SND1: variants seen among roughly 807,000 people sequenced by gnomAD.
The protein encoded by SND1 is staphylococcal nuclease domain-containing protein 1.
A neutral mutation model predicts 121.7 loss-of-function variants in SND1; 38 were observed. The ratio of observed to expected loss-of-function variants is 0.31; its 90% confidence interval spans 0.24 to 0.41. The LOEUF (loss-of-function observed/expected upper bound fraction) is 0.41. Ranked by LOEUF, SND1 falls within the 10% of genes least tolerant of loss-of-function variation. SND1 has a pLI of 1.00. For missense variants in SND1, 868 were observed against 1,184.6 expected, an observed-to-expected ratio of 0.73 and a Z score of 3.92; for synonymous variants, 401 against 447.4, an observed-to-expected ratio of 0.90 and a Z score of 1.31.
chr7:128,056,375 A>G (rs1719785176), intron 16 of SND1, among the ~76,000 whole-genome samples: 1 of 152,246 alleles, frequency 6.6e-6, no homozygotes, highest in African/African-American at 2.4e-5. Flanking sequence ...CATGGACTGC[A>G]TTTGGATCAG....
chr7:128,054,833 A>G (rs529329324), intron 16 of SND1, among the ~76,000 whole-genome samples: 2 of 152,324 alleles, frequency 1.3e-5, no homozygotes, highest in African/African-American at 4.8e-5. Context: ...AGTAGTTTGT[A>G]ATTCTGAGGC....
chr7:127,748,275 A>G (rs750049628), intron 10 of SND1, among the ~76,000 whole-genome samples: 3 of 152,148 alleles, frequency 2.0e-5, no homozygotes, highest in Non-Finnish European at 2.9e-5. Context: ...GTGATACCAT[A>G]GTATGCTTAC....
intron 9 of SND1, among the ~76,000 whole-genome samples, chr7:127,717,206 A>C (rs1796407173): frequency 6.6e-6 from 1 of 152,204 alleles, no homozygotes; most frequent in South Asian, 2.1e-4. Context: ...TGTTATAGTT[A>C]GTATATCAAT....
chr7:128,030,783 G>T, intron 16 of SND1: 1 of 1,077,774 alleles, frequency 9.3e-7, no homozygotes. Context: ...GAGACGGAGC[G>T]GATCGGCCGA....
chr7:128,090,990 C>T (rs1304280246), intron 22 of SND1, among the ~76,000 whole-genome samples: 4 of 152,212 alleles, frequency 2.6e-5, no homozygotes, highest in African/African-American at 4.8e-5. Context: ...ACCTAACATG[C>T]TCATTTATTT....
At chr7:127,867,284 C>T (rs542552042) in intron 12 of SND1, among the ~76,000 whole-genome samples, 1 of 152,158 alleles carries the variant, frequency 6.6e-6, no homozygotes. Context: ...TTGTTTTCTT[C>T]TACCTTTTCA....
rs529054456 is a variant in SND1 at position 127,898,281 on chromosome 7, C to T, written c.1455-6466C>T. Reference sequence around the variant, plus strand: ...CATAATACCTACTGACTCATTAGTCCGCCCACCTCCCCTTGACTGTAGGAC... The same window carrying T: ...CATAATACCTACTGACTCATTAGTCTGCCCACCTCCCCTTGACTGTAGGAC... On this transcript the variant is annotated intron_variant, in intron 13 of 23. Transcript: ENST00000354725. Among the ~76,000 whole-genome samples, 25 of 152,138 alleles carry T rather than the reference C, an allele frequency of 1.6e-4. 1 individual carries two copies. The highest frequency in any genetic ancestry group is 5.3e-4 in the African/African-American group (22 of 41,492).
At chr7:128,005,619 G>C (rs780643673) in intron 16 of SND1, among the ~76,000 whole-genome samples, 6 of 152,240 alleles carry the variant, frequency 3.9e-5, no homozygotes, top group Non-Finnish European at 7.3e-5. Flanking sequence ...CCCAATGCCT[G>C]TTAGGTTGCT....
chr7:127,993,815 T>G (rs1297486149), intron 16 of SND1, among the ~76,000 whole-genome samples: 2 of 152,198 alleles, frequency 1.3e-5, no homozygotes, highest in African/African-American at 4.8e-5. Context: ...GCCCACAGAT[T>G]GTACGATTTC....
chr7:127,922,929 G>A (rs1293461117), intron 14 of SND1, among the ~76,000 whole-genome samples: 2 of 152,220 alleles, frequency 1.3e-5, no homozygotes, highest in Non-Finnish European at 2.9e-5. Context: ...GCAGGCCTGA[G>A]TGAGGTGCTT....
chr7:127,928,934 A>G (rs1800905969), intron 14 of SND1, among the ~76,000 whole-genome samples: 1 of 152,194 alleles, frequency 6.6e-6, no homozygotes, highest in Non-Finnish European at 1.5e-5. Context: ...CTTGCCCCAG[A>G]GAACTCTGGT....
chr7:128,050,007 AC>A (rs1793019470), intron 16 of SND1, among the ~76,000 whole-genome samples: 1 of 152,226 alleles, frequency 6.6e-6, no homozygotes, highest in South Asian at 2.1e-4. Context: ...GACCTCAGTG[AC>A]ATTCTCTGTC....
At chr7:127,762,055 C>G (rs1226942949) in intron 10 of SND1, among the ~76,000 whole-genome samples, 1 of 152,144 alleles carries the variant, frequency 6.6e-6, no homozygotes, top group African/African-American at 2.4e-5. Flanking sequence ...AGAAAGAGAT[C>G]TAGATTTTCT....
intron 16 of SND1, among the ~76,000 whole-genome samples, chr7:128,011,593 A>C (rs1489817047): frequency 1.3e-5 from 2 of 152,184 alleles, no homozygotes; most frequent in African/African-American, 4.8e-5. Flanking sequence ...CCCCAGCTGC[A>C]CATTGGAATC....
chr7:128,010,554 C>G (rs909433594), intron 16 of SND1, among the ~76,000 whole-genome samples: 2 of 152,236 alleles, frequency 1.3e-5, no homozygotes, highest in African/African-American at 4.8e-5. Context: ...TTACCACTCA[C>G]CCCACCCACA....
Position 128,003,396 on chromosome 7 carries a change from C to T in SND1, c.1779+12340C>T, listed in dbSNP as rs569382035. Among the ~76,000 whole-genome samples, 19 of 152,286 alleles carry T rather than the reference C, an allele frequency of 1.2e-4. No individual in the cohort carries two copies. The South Asian group carries it at 3.5e-3, about 28-fold the overall frequency. Reference sequence around the variant, plus strand: ...TGTGCTGTTTTCCTTTTCAGCTTAACATATGCCTTCCTCTTCTCCCCTTTC... The same window carrying T: ...TGTGCTGTTTTCCTTTTCAGCTTAATATATGCCTTCCTCTTCTCCCCTTTC... On this transcript the variant is annotated intron_variant, in intron 16 of 23. Coordinates refer to ENST00000354725, the MANE Select transcript of SND1 (RefSeq NM_014390.4).
chr7:127,966,171 C>A (rs547608339), intron 15 of SND1, among the ~76,000 whole-genome samples: 1 of 151,324 alleles, frequency 6.6e-6, no homozygotes, highest in Non-Finnish European at 1.5e-5. Flanking sequence ...GTCTTGCTAG[C>A]GGTCTATCAA....
chr7:127,670,904 T>C (rs1360394433), intron 1 of SND1, among the ~76,000 whole-genome samples: 1 of 152,160 alleles, frequency 6.6e-6, no homozygotes. Flanking sequence ...CCAAGATCTT[T>C]TTTGGAGCAG....
At position 127,796,361 on chromosome 7, in the gene SND1, T is replaced by C. The variant is rs531523886; in HGVS notation, c.1153-11123T>C. 5.3e-5 allele frequency among the ~76,000 whole-genome samples: 8 copies of C among 152,216 alleles called. No homozygotes were observed. The South Asian group carries it at 1.5e-3, about 28-fold the overall frequency. On this transcript the variant is annotated intron_variant, in intron 10 of 23. Transcript: ENST00000354725. ...TATTAAATCCCATAATCACAAGAAA[T>C]AGAGTTTTAGTTGTCAAAAATAAAT...
Sources: allele counts gnomAD v4.1 joint callset (sites outside exome capture counted in the v4.1 genomes callset), GRCh38; gene constraint gnomAD v4.1.1; transcripts MANE v1.5; gene names NCBI Gene and HGNC (gene_info 2026-07-23, HGNC 2026-07-21).